Variants in TXNRD1 observed in about 807,000 individuals in gnomAD.
TXNRD1 encodes the protein thioredoxin reductase 1.
TXNRD1 carries 57 observed loss-of-function variants against 80.3 expected under a neutral mutation model. The ratio of observed to expected loss-of-function variants is 0.71; its 90% confidence interval spans 0.57 to 0.89. TXNRD1 has a LOEUF of 0.89. Ranked by LOEUF, TXNRD1 falls within the 40% of genes least tolerant of loss-of-function variation. The pLI, the probability that TXNRD1 is intolerant of heterozygous loss-of-function variation, is 0.00. For missense variants in TXNRD1, 730 were observed against 803.0 expected, an observed-to-expected ratio of 0.91 and a Z score of 1.10; for synonymous variants, 291 against 285.2, an observed-to-expected ratio of 1.02 and a Z score of -0.20.
At chr12:104,309,801 A>G in intron 4 of TXNRD1, 1 of 1,533,736 alleles carries the variant, frequency 6.5e-7, no homozygotes. Flanking sequence ...ATGCCAGTTG[A>G]TGACTACTGG....
chr12:104,315,146 G>A (rs184886109), intron 6 of TXNRD1, among the ~76,000 whole-genome samples: 435 of 152,332 alleles, frequency 2.9e-3, no homozygotes, highest in Non-Finnish European at 4.6e-3. Context: ...TCAATGGCAA[G>A]TGCAGATGCT....
chr12:104,234,756 G>A (rs574777014), intron 1 of TXNRD1, among the ~76,000 whole-genome samples: 1 of 151,768 alleles, frequency 6.6e-6, no homozygotes, highest in African/African-American at 2.4e-5. Context: ...AGGCAGCTCT[G>A]CAAGCAGAAG....
intron 3 of TXNRD1, among the ~76,000 whole-genome samples, chr12:104,259,436 A>G (rs2033318108): frequency 2.0e-5 from 3 of 152,000 alleles, no homozygotes; most frequent in South Asian, 4.2e-4. Context: ...AACTAGACAG[A>G]GAAAGATATA....
intron 7 of TXNRD1, among the ~76,000 whole-genome samples, chr12:104,316,504 C>T (rs1365665133): frequency 6.6e-6 from 1 of 152,232 alleles, no homozygotes; most frequent in Non-Finnish European, 1.5e-5. Context: ...ATTCTCCTGC[C>T]TCAGCCTCCC....
At chr12:104,332,244 C>A (rs2035977195) in intron 14 of TXNRD1, among the ~76,000 whole-genome samples, 1 of 152,068 alleles carries the variant, frequency 6.6e-6, no homozygotes, top group African/African-American at 2.4e-5. Context: ...ACAAATAATG[C>A]CACCCAAAAG....
In TXNRD1 at chr12:104,345,884, C is replaced by T. The variant is rs564715404; in HGVS notation, c.1882-2469C>T. ...TGGAAAGCCTCCAGCAGCTCCTGAC[C>T]CTTGTACGAGTCCTGTGTGTTGGGA... On this transcript the variant is annotated intron_variant, in intron 16 of 16. Coordinates refer to ENST00000525566, the MANE Select transcript of TXNRD1 (RefSeq NM_001093771.3). 20 of 1,072,282 alleles carry T rather than the reference C, an allele frequency of 1.9e-5. 1 individual carries two copies. In the South Asian group the frequency reaches 2.8e-4, roughly 15 times the overall value. The allele number at this position is 1,072,282 out of a possible 1,614,324, so 66.4% of individuals were successfully genotyped here. A position where few individuals can be genotyped will look rare whatever the true frequency, so the allele number is the denominator to read the frequency against.
At chr12:104,231,884 G>T (rs148313990) in intron 1 of TXNRD1, among the ~76,000 whole-genome samples, 1 of 152,206 alleles carries the variant, frequency 6.6e-6, no homozygotes, top group Non-Finnish European at 1.5e-5. Context: ...AGCAGGGTTA[G>T]TTTAAAATGT....
At chr12:104,339,298 T>A in intron 16 of TXNRD1, 25 bp downstream of exon 16, 1 of 1,612,668 alleles carries the variant, frequency 6.2e-7, no homozygotes, top group Non-Finnish European at 8.5e-7. Context: ...CTTATACAGT[T>A]TAAAATGTTT....
intron 8 of TXNRD1, among the ~76,000 whole-genome samples, 194 bp downstream of exon 8, chr12:104,319,249 C>T (rs2035444262): frequency 6.6e-6 from 1 of 152,100 alleles, no homozygotes; most frequent in South Asian, 2.1e-4. Context: ...GTATGCTGGA[C>T]CAGACCGCCT....
intron 1 of TXNRD1, among the ~76,000 whole-genome samples, chr12:104,241,473 C>T (rs1304419098): frequency 2.0e-5 from 3 of 151,550 alleles, no homozygotes; most frequent in Admixed American, 6.6e-5. Context: ...CACGTTGAAG[C>T]GATTCTCCTG....
At position 104,346,966 on chromosome 12, in the gene TXNRD1, G is replaced by A. The variant is rs551898842; in HGVS notation, c.1882-1387G>A. Among the ~76,000 whole-genome samples, 7 of 152,242 alleles carry A rather than the reference G, an allele frequency of 4.6e-5. No individual in the cohort carries two copies. In the East Asian group the frequency reaches 7.7e-4, roughly 17 times the overall value. The stretch of plus-strand genomic sequence containing the variant: ...AAAAATTATCCGAGCATGGTGGCAG[G>A]TGCCTGTAATCCCACCTACTCGGGA... On this transcript the variant is annotated intron_variant, in intron 16 of 16. Coordinates refer to ENST00000525566, the MANE Select transcript of TXNRD1 (RefSeq NM_001093771.3).
At position 104,278,390 on chromosome 12, in the gene TXNRD1, C is replaced by T. The variant is rs569189065; in HGVS notation, c.305-10541C>T. 4.7e-5 allele frequency among the ~76,000 whole-genome samples: 7 copies of T among 148,478 alleles called. No individual in the cohort carries two copies. In the South Asian group the frequency reaches 1.1e-3, roughly 23 times the overall value. On this transcript the variant is annotated intron_variant, in intron 3 of 16. Coordinates refer to ENST00000525566, the MANE Select transcript of TXNRD1 (RefSeq NM_001093771.3). ...TAATTTTTTGCGTTTTTAGTAGAGA[C>T]GGGTTTCACCATTTTAGCCAGGACG... is the stretch of plus-strand genomic sequence containing the variant.
intron 14 of TXNRD1, among the ~76,000 whole-genome samples, chr12:104,333,229 G>A (rs2036020076): frequency 6.6e-6 from 1 of 151,918 alleles, no homozygotes; most frequent in Non-Finnish European, 1.5e-5. Flanking sequence ...TAGATTTCCT[G>A]TGTGAGTGTG....
chr12:104,290,415 G>A (rs1412230307), intron 4 of TXNRD1, among the ~76,000 whole-genome samples: 1 of 151,810 alleles, frequency 6.6e-6, no homozygotes, highest in Non-Finnish European at 1.5e-5. Flanking sequence ...TTCCTGGCCG[G>A]GTGCGGTGGC....
intron 1 of TXNRD1, among the ~76,000 whole-genome samples, chr12:104,234,914 T>G (rs532142619): frequency 2.0e-5 from 3 of 152,318 alleles, no homozygotes; most frequent in African/African-American, 7.2e-5. Context: ...CTCCTTTCTA[T>G]GGTGTTTTTC....
At chr12:104,329,315 T>TA (rs142233623) in intron 13 of TXNRD1, among the ~76,000 whole-genome samples, 2,290 of 147,024 alleles carry the variant, frequency 0.016, 57 homozygotes, top group African/African-American at 0.052. Context: ...GTGGTTTCCT[T>TA]AAAAAAAAAA....
chr12:104,338,951 C>T (rs1272985510), intron 15 of TXNRD1, among the ~76,000 whole-genome samples, 188 bp from the exon 16 acceptor site: 7 of 152,026 alleles, frequency 4.6e-5, no homozygotes, highest in African/African-American at 9.7e-5. Flanking sequence ...CTCCTGACCT[C>T]GTGATCCACC....
At chr12:104,261,556 C>T (rs144202266) in intron 3 of TXNRD1, among the ~76,000 whole-genome samples, 3 of 152,068 alleles carry the variant, frequency 2.0e-5, no homozygotes, top group Admixed American at 6.6e-5. Flanking sequence ...TGGGGAGGTG[C>T]GGTGACTGAA....
chr12:104,239,835 AT>A lies in TXNRD1; in HGVS notation c.92-11689del, dbSNP rs914172908. ...ATCATGTCTTTCTAGGAATTTGTTC[AT>A]TTCATGTAGATTATCTAATTCGTTG... On this transcript the variant is annotated intron_variant, in intron 1 of 16. Transcript: ENST00000525566. 3.3e-5 allele frequency among the ~76,000 whole-genome samples: 5 copies of A among 152,088 alleles called. No homozygotes were observed. In the East Asian group the frequency reaches 9.6e-4, roughly 29 times the overall value.
Sources: gnomAD v4.1 joint callset for allele counts (sites outside exome capture counted in the v4.1 genomes callset) on GRCh38, gnomAD v4.1.1 for gene constraint, MANE v1.5 for transcripts, NCBI Gene and HGNC (gene_info 2026-07-23, HGNC 2026-07-21) for gene names.